SLC4A10: variants seen among roughly 807,000 people sequenced by gnomAD.
SLC4A10 encodes the protein solute carrier family 4 member 10.
Under a neutral mutation model 137.7 loss-of-function variants are expected in SLC4A10, and 42 were observed. That is an observed-to-expected ratio of 0.30 (90% CI 0.24 to 0.39). The LOEUF is 0.39. SLC4A10 is among the 10% of genes least tolerant of loss of function. The pLI, the probability that SLC4A10 is intolerant of heterozygous loss-of-function variation, is 1.00. For synonymous variants in SLC4A10, 474 were observed against 464.1 expected (o/e 1.02, Z -0.27); for missense variants, 925 against 1,355.0 (o/e 0.68, Z 4.98).
At chr2:161,710,974 C>A (rs754204204) in intron 1 of SLC4A10, among the ~76,000 whole-genome samples, 1 of 151,770 alleles carries the variant, frequency 6.6e-6, no homozygotes, top group African/African-American at 2.4e-5. Context: ...TTAACTTAAT[C>A]TATAAGCTGA....
At chr2:161,849,105 C>T (rs1344917683) in intron 4 of SLC4A10, among the ~76,000 whole-genome samples, 1 of 151,966 alleles carries the variant, frequency 6.6e-6, no homozygotes, top group African/African-American at 2.4e-5. Context: ...ATTCTCGTTG[C>T]AGAGATCTTT....
At position 161,760,777 on chromosome 2, in the gene SLC4A10, T is replaced by C. The variant is rs559435253; in HGVS notation, c.49-10196T>C. Among the ~76,000 whole-genome samples, 65 of 152,178 alleles carry C rather than the reference T, an allele frequency of 4.3e-4. 3 individuals carry two copies. The South Asian group carries it at 0.012, about 28-fold the overall frequency. ...ATACCATTGTATTACTGCACTCATATCAAGTCTATAATCTCTCTGAGGATG... is the reference window on the plus strand; with the variant it reads ...ATACCATTGTATTACTGCACTCATACCAAGTCTATAATCTCTCTGAGGATG... On this transcript the variant is annotated intron_variant, in intron 1 of 26. Coordinates refer to ENST00000446997, the MANE Select transcript of SLC4A10 (RefSeq NM_001178015.2).
intron 15 of SLC4A10, among the ~76,000 whole-genome samples, chr2:161,937,967 A>G (rs1422219428): frequency 6.6e-6 from 1 of 152,156 alleles, no homozygotes; most frequent in Non-Finnish European, 1.5e-5. Context: ...TAAAGAAAAA[A>G]AAAATCAAGC....
chr2:161,738,996 C>T (rs1310201941), intron 1 of SLC4A10, among the ~76,000 whole-genome samples: 1 of 152,162 alleles, frequency 6.6e-6, no homozygotes, highest in East Asian at 1.9e-4. Context: ...CTATCAGGCC[C>T]TCAGGAATTC....
chr2:161,764,983 T>C (rs1031906549), intron 1 of SLC4A10, among the ~76,000 whole-genome samples: 5 of 152,150 alleles, frequency 3.3e-5, no homozygotes, highest in Non-Finnish European at 7.4e-5. Context: ...AAGGTGTGAT[T>C]TCTGTCGGAT....
At chr2:161,835,670 A>G (rs1156807444) in intron 3 of SLC4A10, among the ~76,000 whole-genome samples, 1 of 152,224 alleles carries the variant, frequency 6.6e-6, no homozygotes, top group Non-Finnish European at 1.5e-5. Flanking sequence ...AGTCTTCTTT[A>G]GCCTCAGTTC....
intron 15 of SLC4A10, among the ~76,000 whole-genome samples, chr2:161,938,813 T>A (rs1220360680): frequency 6.6e-6 from 1 of 151,906 alleles, no homozygotes; most frequent in East Asian, 1.9e-4. Context: ...GAAGAACTAA[T>A]TATTTTTTTC....
At chr2:161,649,051 C>T (rs1017185648) in intron 1 of SLC4A10, among the ~76,000 whole-genome samples, 2 of 152,090 alleles carry the variant, frequency 1.3e-5, no homozygotes, top group Admixed American at 6.6e-5. Context: ...TTTAACTCGT[C>T]CTTTCTCCCA....
chr2:161,914,606 C>T (rs1054497800), intron 15 of SLC4A10, among the ~76,000 whole-genome samples: 8 of 152,130 alleles, frequency 5.3e-5, no homozygotes, highest in Admixed American at 3.3e-4. Context: ...TATCTCTTCC[C>T]CAAATTTTGC....
In SLC4A10 at chr2:161,934,393, C is replaced by G. The variant is rs1416320497; in HGVS notation, c.1998-8399C>G. ...AGGTCGATTATTTTAATTTTTAGCT[C>G]CCACAAATAAGTGAAAACATGCAAA... On this transcript the variant is annotated intron_variant, in intron 15 of 26. Coordinates refer to ENST00000446997, the MANE Select transcript of SLC4A10 (RefSeq NM_001178015.2). 3.3e-5 allele frequency among the ~76,000 whole-genome samples: 5 copies of G among 151,882 alleles called. No homozygotes were observed. The East Asian group carries it at 7.7e-4, about 23-fold the overall frequency.
At chr2:161,781,057 G>C (rs1421185642) in intron 2 of SLC4A10, among the ~76,000 whole-genome samples, 1 of 151,968 alleles carries the variant, frequency 6.6e-6, no homozygotes, top group Non-Finnish European at 1.5e-5. Flanking sequence ...CAAACCAAGG[G>C]AAGTGAGAAG....
chr2:161,933,244 T>TTTC (rs1559565779), intron 15 of SLC4A10, among the ~76,000 whole-genome samples: 3 of 141,976 alleles, frequency 2.1e-5, no homozygotes, highest in East Asian at 2.1e-4. Context: ...TCTTTCTTTC[T>TTTC]TTCTTTCTTC....
chr2:161,790,601 A>C (rs1431444333), intron 2 of SLC4A10, among the ~76,000 whole-genome samples: 1 of 152,152 alleles, frequency 6.6e-6, no homozygotes, highest in Non-Finnish European at 1.5e-5. Flanking sequence ...CAGGATGAGA[A>C]ATGTGGAGGT....
intron 3 of SLC4A10, among the ~76,000 whole-genome samples, chr2:161,827,845 G>T (rs1396767258): frequency 2.0e-5 from 3 of 152,190 alleles, no homozygotes. Context: ...GATTACAGGC[G>T]TGAGCCCCCG....
At chr2:161,836,317 G>A (rs1428263161) in intron 3 of SLC4A10, among the ~76,000 whole-genome samples, 1 of 151,828 alleles carries the variant, frequency 6.6e-6, no homozygotes, top group African/African-American at 2.4e-5. Flanking sequence ...GGCCAACATG[G>A]CAAAACCCCA....
chr2:161,745,431 G>A (rs1251949740), intron 1 of SLC4A10, among the ~76,000 whole-genome samples: 1 of 151,944 alleles, frequency 6.6e-6, no homozygotes. Flanking sequence ...CAATCTTTTT[G>A]TTAAATTTAT....
chr2:161,952,711 AC>A (rs1695011242), intron 19 of SLC4A10, among the ~76,000 whole-genome samples: 1 of 152,158 alleles, frequency 6.6e-6, no homozygotes, highest in Non-Finnish European at 1.5e-5. Context: ...AGATATGAAT[AC>A]TTTTAAAGCA....
At chr2:161,906,194 A>T (rs1684312224) in intron 15 of SLC4A10, among the ~76,000 whole-genome samples, 1 of 152,238 alleles carries the variant, frequency 6.6e-6, no homozygotes, top group African/African-American at 2.4e-5. Context: ...TACCTTAGCG[A>T]AATATATGTT....
At chr2:161,739,899 T>C (rs963267759) in intron 1 of SLC4A10, among the ~76,000 whole-genome samples, 1 of 152,170 alleles carries the variant, frequency 6.6e-6, no homozygotes, top group African/African-American at 2.4e-5. Context: ...AGGGGCTCTT[T>C]CAATGGACAT....
Sources: allele counts gnomAD v4.1 joint callset (sites outside exome capture counted in the v4.1 genomes callset), GRCh38; gene constraint gnomAD v4.1.1; transcripts MANE v1.5; gene names NCBI Gene and HGNC (gene_info 2026-07-23, HGNC 2026-07-21).